RASGRP3: variants seen among roughly 807,000 people sequenced by gnomAD.
RASGRP3 encodes ras guanyl-releasing protein 3.
RASGRP3 carries 54 observed loss-of-function variants against 82.7 expected under a neutral mutation model. That is an observed-to-expected ratio of 0.65 (90% CI 0.52 to 0.82). RASGRP3 has a LOEUF of 0.82. Ranked by LOEUF, RASGRP3 falls within the 40% of genes least tolerant of loss-of-function variation. RASGRP3 has a pLI of 0.00. For missense variants in RASGRP3, 861 were observed against 828.9 expected (o/e 1.04, Z -0.48); for synonymous variants, 309 against 300.5 (o/e 1.03, Z -0.29).
rs1334491468 is a variant in RASGRP3, at chr2:33,549,624, A to G, written c.1415A>G (p.Asp472Gly). ...AACAGGGATGGCCTAATTAGTAAAG[A>G]TGAAATGATGGCTTACTTCCTGAGA... ...DKDQDGLISK[D>G]EMMAYFLRAK... The change falls in exon 14 of 18, where the codon GAT becomes GGT. Residue 472 changes from aspartate to glycine, a missense_variant. By Grantham distance (94) the Asp-to-Gly change is moderately conservative (BLOSUM62 -1). Transcript: ENST00000403687. The G allele has an allele frequency of 1.9e-6, 3 of 1,613,198 alleles. No homozygotes were observed. In the Admixed American group the frequency reaches 5.0e-5, roughly 27 times the overall value.
At chr2:33,442,984 AG>A (rs1263254301) in intron 1 of RASGRP3, among the ~76,000 whole-genome samples, 1 of 151,806 alleles carries the variant, frequency 6.6e-6, no homozygotes, top group East Asian at 1.9e-4. Context: ...ATCCCACAAC[AG>A]GGATTTGCTG....
chr2:33,537,330 C>CCCCCCAACA (rs66749495), intron 11 of RASGRP3, among the ~76,000 whole-genome samples: 1 of 95,716 alleles, frequency 1.0e-5, no homozygotes, highest in African/African-American at 4.6e-5. Context: ...ACCGCCCCCC[C>CCCCCCAACA]CACACACACA....
chr2:33,549,766 C>G lies in RASGRP3; in HGVS notation c.1542+15C>G. On this transcript the variant is annotated intron_variant, in intron 14 of 17. Transcript: ENST00000403687. ...GTGCGGGATTTGTAAGTCTGTTTTC[C>G]GTTGTTTTCTTATGTGTGTAGTTAT... is the stretch of plus-strand genomic sequence containing the variant. 3 of 1,609,384 alleles carry G rather than the reference C, an allele frequency of 1.9e-6. No homozygotes were observed. The highest frequency in any genetic ancestry group is 2.2e-5 in the East Asian group (1 of 44,724).
rs561454212 is a variant in RASGRP3, at chr2:33,544,809, A to T, written c.1394+1182A>T. Among the ~76,000 whole-genome samples the T allele has an allele frequency of 1.2e-4, 18 of 152,312 alleles. No homozygotes were observed. The East Asian group carries it at 3.3e-3, about 28-fold the overall frequency. ...CAGGAGTTTGAGACCAGCCTGGGCA[A>T]CATAGTGGGAACCTTGTCTCTAACT... On this transcript the variant is annotated intron_variant, in intron 13 of 17. Coordinates refer to ENST00000403687, the MANE Select transcript of RASGRP3 (RefSeq NM_001139488.2).
intron 17 of RASGRP3, 82 bp downstream of exon 17, chr2:33,559,112 G>A (rs1676360863): frequency 2.5e-6 from 3 of 1,195,464 alleles, no homozygotes; most frequent in Non-Finnish European, 3.4e-6. Context: ...GGGTCTGGGG[G>A]GCAGCCTGGT....
intron 1 of RASGRP3, among the ~76,000 whole-genome samples, chr2:33,499,068 A>G (rs186024215): frequency 2.6e-5 from 4 of 152,240 alleles, no homozygotes; most frequent in East Asian, 3.9e-4. Flanking sequence ...AATGTATTCA[A>G]TAATCAAAAG....
At chr2:33,470,411 A>T (rs2150914553) in intron 2 of RASGRP3, among the ~76,000 whole-genome samples, 1 of 142,400 alleles carries the variant, frequency 7.0e-6, no homozygotes, top group African/African-American at 2.6e-5. Context: ...ATGGAGTCTC[A>T]CTCTGTTGCC....
At position 33,496,935 on chromosome 2, in the gene RASGRP3, C is replaced by T. The variant is rs139995625; in HGVS notation, c.-260-14775C>T. On this transcript the variant is annotated intron_variant, in intron 1 of 17. Transcript: ENST00000403687. ...TTGCTTTAGATGCATGAAAGCAATACGTTTTGGGTCTTGAGTATTTCTTGA... is the reference window on the plus strand; with the variant it reads ...TTGCTTTAGATGCATGAAAGCAATATGTTTTGGGTCTTGAGTATTTCTTGA... 3.0e-3 allele frequency among the ~76,000 whole-genome samples: 453 copies of T among 152,220 alleles called. 4 individuals are homozygous for T. The highest frequency in any genetic ancestry group is 4.3e-3 in the Non-Finnish European group (290 of 67,996).
chr2:33,520,081 C>T lies in RASGRP3; in HGVS notation c.236+67C>T, dbSNP rs141425351. ...CTGGAATCGTGGACAATTTCCTTTTCCCCAAGCTGCAGACCTAGTTTGACA... is the reference window on the plus strand; with the variant it reads ...CTGGAATCGTGGACAATTTCCTTTTTCCCAAGCTGCAGACCTAGTTTGACA... On this transcript the variant is annotated intron_variant, in intron 5 of 17. Transcript: ENST00000403687. 12,261 of 1,309,816 alleles carry T rather than the reference C, an allele frequency of 9.4e-3. 64 individuals carry two copies. Among genetic ancestry groups the T allele is most frequent in the Non-Finnish European group, 0.012 (10,953 of 933,106 alleles). 81.1% of individuals were successfully genotyped at this position (1,309,816 alleles called of 1,614,324 possible). A position where few individuals can be genotyped will look rare whatever the true frequency, so the allele number is the denominator to read the frequency against.
rs769845170 is a variant in RASGRP3, at chr2:33,558,983, T to G, written c.2017T>G (p.Phe673Val). Residue 673 changes from phenylalanine (F) to valine (V), a missense_variant, in exon 17 of 18, where the codon TTT (phenylalanine) becomes GTT (valine). Coordinates refer to ENST00000403687, the MANE Select transcript of RASGRP3 (RefSeq NM_001139488.2). ...GVDVVDRGTE[F>V]ELDQDEGEET... ...GGATGTTGTAGACCGGGGCACGGAG[T>G]TTGAACTTGACCAGGATGAAGGAGA... The G allele has an allele frequency of 6.2e-7, 1 of 1,613,562 alleles. No homozygotes were observed. Among genetic ancestry groups the G allele is most frequent in the Non-Finnish European group, 8.5e-7 (1 of 1,179,772 alleles).
Position 33,464,825 on chromosome 2 carries a change from C to T in RASGRP3, c.-261+16882C>T, listed in dbSNP as rs141406148. ...GTAAGTGTTTTGGGGCATTCCAAAG[C>T]ACACCCATATTGGCTGGCAAACTTA... is the stretch of plus-strand genomic sequence containing the variant. On this transcript the variant is annotated intron_variant, in intron 2 of 18. Transcript: ENST00000402538. 2.2e-3 allele frequency among the ~76,000 whole-genome samples: 333 copies of T among 152,266 alleles called. 5 individuals carry two copies. Among genetic ancestry groups the T allele is most frequent in the African/African-American group, 7.7e-3 (321 of 41,546 alleles).
chr2:33,441,993 A>G (rs1021629318), intron 1 of RASGRP3, among the ~76,000 whole-genome samples: 1 of 152,228 alleles, frequency 6.6e-6, no homozygotes, highest in Non-Finnish European at 1.5e-5. Context: ...GACATTGGAA[A>G]CTATTCATAG....
At chr2:33,469,374 C>G (rs186770748) in intron 2 of RASGRP3, among the ~76,000 whole-genome samples, 1 of 151,878 alleles carries the variant, frequency 6.6e-6, no homozygotes, top group Non-Finnish European at 1.5e-5. Flanking sequence ...GTGATTGAAA[C>G]GTTTTCAGGA....
At chr2:33,504,686 G>C (rs911136128) in intron 1 of RASGRP3, among the ~76,000 whole-genome samples, 2 of 152,188 alleles carry the variant, frequency 1.3e-5, no homozygotes, top group Non-Finnish European at 1.5e-5. Flanking sequence ...GAGAGATTTT[G>C]TAGTCCAGGC....
In RASGRP3 at chr2:33,539,212, TA is replaced by T; in HGVS notation, c.1278+4del. The T allele has an allele frequency of 6.3e-7, 1 of 1,592,268 alleles. No individual in the cohort carries two copies. The highest frequency in any genetic ancestry group is 8.6e-7 in the Non-Finnish European group (1 of 1,166,442). The stretch of plus-strand genomic sequence containing the variant: ...AAGCACATAAGGAAATTAGTGGAGG[TA>T]AGTGGTTGAGGGAGAATAAAGAGAG... On this transcript the variant is annotated splice_donor_region_variant and intron_variant, in intron 12 of 17. Coordinates refer to ENST00000403687, the MANE Select transcript of RASGRP3 (RefSeq NM_001139488.2).
chr2:33,479,095 T>G (rs1667642379), intron 1 of RASGRP3, among the ~76,000 whole-genome samples: 1 of 152,196 alleles, frequency 6.6e-6, no homozygotes, highest in Non-Finnish European at 1.5e-5. Context: ...CATTTAAATG[T>G]AAAAACTCAC....
chr2:33,517,608 T>C lies in RASGRP3; in HGVS notation c.173+964T>C, dbSNP rs952202261. Among the ~76,000 whole-genome samples the C allele has an allele frequency of 2.0e-5, 3 of 152,206 alleles. No homozygotes were observed. The East Asian group carries it at 5.8e-4, about 29-fold the overall frequency. On this transcript the variant is annotated intron_variant, in intron 4 of 17. Coordinates refer to ENST00000403687, the MANE Select transcript of RASGRP3 (RefSeq NM_001139488.2). Reference sequence around the variant, plus strand: ...CACAACCTCAGAGCAGAAAAGGATATTAGACAGTCTATAAGGTCTGTGGAA... The same window carrying C: ...CACAACCTCAGAGCAGAAAAGGATACTAGACAGTCTATAAGGTCTGTGGAA...
chr2:33,478,663 T>A (rs1667599295), intron 1 of RASGRP3, among the ~76,000 whole-genome samples: 1 of 152,214 alleles, frequency 6.6e-6, no homozygotes, highest in African/African-American at 2.4e-5. Flanking sequence ...AGTACATCCA[T>A]TGACTCAAAG....
chr2:33,523,273 C>T (rs1036579256), intron 7 of RASGRP3, among the ~76,000 whole-genome samples: 1 of 152,034 alleles, frequency 6.6e-6, no homozygotes, highest in Non-Finnish European at 1.5e-5. Flanking sequence ...ACCTTCCTGG[C>T]CAACGTGGTG....
Sources: gnomAD v4.1 joint callset for allele counts (sites outside exome capture counted in the v4.1 genomes callset) on GRCh38, gnomAD v4.1.1 for gene constraint, MANE v1.5 for transcripts, NCBI Gene and HGNC (gene_info 2026-07-23, HGNC 2026-07-21) for gene names.